PQBP1: variants seen among roughly 807,000 people sequenced by gnomAD.
PQBP1 encodes the protein polyglutamine binding protein 1, also known as polyglutamine-binding protein 1.
A neutral mutation model predicts 20.9 loss-of-function variants in PQBP1; 3 were observed. The ratio of observed to expected loss-of-function variants is 0.14; its 90% confidence interval spans 0.07 to 0.37. The LOEUF is 0.37. PQBP1 is among the 10% of genes least tolerant of loss of function. PQBP1 has a pLI of 1.00. For synonymous variants in PQBP1, 83 were observed against 93.8 expected, an observed-to-expected ratio of 0.88 and a Z score of 0.67; for missense variants, 162 against 240.3, an observed-to-expected ratio of 0.67 and a Z score of 2.16.
intron 1 of PQBP1, 147 bp downstream of exon 1, chrX:48,898,229 A>T: frequency 1.1e-6 from 1 of 934,580 alleles, no homozygotes; most frequent in Non-Finnish European, 1.5e-6. Flanking sequence ...CGGGCTTCTT[A>T]GGCTGTGGGC....
intron 2 of PQBP1, among the ~76,000 whole-genome samples, chrX:48,899,794 C>CT (rs2063375609): frequency 9.0e-6 from 1 of 111,729 alleles, no homozygotes; most frequent in Non-Finnish European, 1.9e-5. Flanking sequence ...CTACTGTGCT[C>CT]TGGCTGCAAA....
intron 5 of PQBP1, 59 bp from the exon 6 acceptor site, chrX:48,902,673 C>T: frequency 1.7e-6 from 2 of 1,162,407 alleles, no homozygotes; most frequent in Non-Finnish European, 1.2e-6. Flanking sequence ...TGGGGTGGGG[C>T]TCAGTGATCA....
Position 48,902,790 on chromosome X carries a change from C to A in PQBP1, c.636C>A (p.Ala212=). ...TGGACCCTAGCTCATACTCAGACGC[C>A]CCCCGGTAAGTGACAACCCCTCTTG... ...DPMDPSSYSD[A]PRGTWSTGLP... Residue 212 remains alanine, a synonymous_variant, in exon 6 of 7, where the codon GCC becomes GCA. Transcript: ENST00000447146. 8.3e-7 allele frequency: 1 copy of A among 1,201,535 alleles called. No homozygotes were observed. Among genetic ancestry groups the A allele is most frequent in the South Asian group, 1.8e-5 (1 of 55,261 alleles).
intron 2 of PQBP1, among the ~76,000 whole-genome samples, chrX:48,900,284 C>CTTTTTTTTT (rs1162086780): frequency 3.1e-5 from 1 of 32,472 alleles, no homozygotes; most frequent in Non-Finnish European, 5.3e-5. Flanking sequence ...CATTGATTTA[C>CTTTTTTTTT]TTTTTTTTTT....
Position 48,902,467 on chromosome X carries a change from G to A in PQBP1, c.527G>A (p.Arg176Gln), listed in dbSNP as rs781939978. 3 of 1,208,197 alleles carry A rather than the reference G, an allele frequency of 2.5e-6. No individual in the cohort carries two copies. Among genetic ancestry groups the A allele is most frequent in the Non-Finnish European group, 3.4e-6 (3 of 894,161 alleles). The change falls in exon 5 of 7, where the codon CGG becomes CAG. Residue 176 changes from arginine to glutamine, a missense_variant. Coordinates refer to ENST00000447146, the MANE Select transcript of PQBP1 (RefSeq NM_001032382.2). Reference sequence around the variant, plus strand: ...GCAGACCGGGAAGAGGGCAAAGAACGGCGCCACCATCGCCGGGAGGAGCTG... The same window carrying A: ...GCAGACCGGGAAGAGGGCAAAGAACAGCGCCACCATCGCCGGGAGGAGCTG... ...DKADREEGKE[R>Q]RHHRREELAP...
intron 5 of PQBP1, 43 bp downstream of exon 5, chrX:48,902,560 A>C (rs782651634): frequency 8.4e-6 from 10 of 1,186,554 alleles, no homozygotes; most frequent in African/African-American, 1.8e-5. Flanking sequence ...AACAAGGTGC[A>C]GGGTGCACTG....
At chrX:48,902,893 C>A in intron 6 of PQBP1, 35 bp from the exon 7 acceptor site, 1 of 1,190,607 alleles carries the variant, frequency 8.4e-7, no homozygotes, top group East Asian at 3.1e-5. Context: ...TCCGCCACAT[C>A]ACCCATCCCC....
intron 3 of PQBP1, chrX:48,901,687 C>T: frequency 2.0e-6 from 1 of 499,795 alleles, no homozygotes; most frequent in Non-Finnish European, 3.3e-6. Flanking sequence ...TCATATTGGT[C>T]AGGCTGGTCC....
At position 48,902,010 on chromosome X, in the gene PQBP1, A is replaced by G. The variant is rs1557041261; in HGVS notation, c.260A>G (p.Lys87Arg). 1.7e-6 allele frequency: 2 copies of G among 1,211,809 alleles called. No homozygotes were observed. The highest frequency in any genetic ancestry group is 1.8e-5 in the South Asian group (1 of 57,001). Residue 87 changes from lysine (K) to arginine (R), a missense_variant, in exon 4 of 7, where the codon AAA becomes AGA. By Grantham distance (26) the Lys-to-Arg change is conservative (BLOSUM62 2). Transcript: ENST00000447146. The stretch of plus-strand genomic sequence containing the variant: ...CATGACCCCAACTCCGTGGTTACCA[A>G]ATCGGCCAAGAAGCTCAGAAGCAGT... ...SPHDPNSVVT[K>R]SAKKLRSSNA...
At position 48,902,000 on chromosome X, in the gene PQBP1, G is replaced by T; in HGVS notation, c.250G>T (p.Val84Leu). The T allele has an allele frequency of 8.3e-7, 1 of 1,211,936 alleles. No individual in the cohort carries two copies. The highest frequency in any genetic ancestry group is 1.7e-5 in the African/African-American group (1 of 57,792). ...SWLSPHDPNS[V>L]VTKSAKKLRS... Reference sequence around the variant, plus strand: ...GCTCTCCCCACATGACCCCAACTCCGTGGTTACCAAATCGGCCAAGAAGCT... The same window carrying T: ...GCTCTCCCCACATGACCCCAACTCCTTGGTTACCAAATCGGCCAAGAAGCT... The change falls in exon 4 of 7, where the codon GTG becomes TTG. Residue 84 changes from valine (V) to leucine (L), a missense_variant. Coordinates refer to ENST00000447146, the MANE Select transcript of PQBP1 (RefSeq NM_001032382.2).
At position 48,898,782 on chromosome X, in the gene PQBP1, ATTCTTTTTTTTTTTT is replaced by A. The variant is rs2063349914; in HGVS notation, c.67+209_67+223del. 1.0e-4 allele frequency among the ~76,000 whole-genome samples: 3 copies of A among 29,169 alleles called. No individual in the cohort carries two copies. The East Asian group carries it at 2.5e-3, about 24-fold the overall frequency. 25.3% of individuals were successfully genotyped at this position (29,169 alleles called of 115,157 possible). A position where few individuals can be genotyped will look rare whatever the true frequency, so the allele number is the denominator to read the frequency against. On this transcript the variant is annotated intron_variant, in intron 2 of 6. Transcript: ENST00000447146. ...AGGGGGTTGGGGGAATAGATATTTCATTCTTTTTTTTTTTTTTTTTTTTTTTTTTTTTTTTTTTTT... is the reference window on the plus strand; with the variant it reads ...AGGGGGTTGGGGGAATAGATATTTCATTTTTTTTTTTTTTTTTTTTTTTTT...
In PQBP1 at chrX:48,901,097, G is replaced by T. The variant is rs782563420; in HGVS notation, c.68-93G>T. On this transcript the variant is annotated intron_variant, in intron 2 of 6. Coordinates refer to ENST00000447146, the MANE Select transcript of PQBP1 (RefSeq NM_001032382.2). ...CACACGTGTCTTTTATGTGTGGCTT[G>T]TGTGAATGTGAGTGCGTGTCTCTAG... 2,193 of 1,155,217 alleles carry T rather than the reference G, an allele frequency of 1.9e-3. 4 individuals are homozygous for T. Among genetic ancestry groups the T allele is most frequent in the Middle Eastern group, 8.2e-3 (35 of 4,264 alleles).
chrX:48,901,254 G>A lies in PQBP1; in HGVS notation c.132G>A (p.Arg44=), dbSNP rs781902505. The change falls in exon 3 of 7, where the codon AGG becomes AGA. Residue 44 remains arginine (R), a synonymous_variant. Coordinates refer to ENST00000447146, the MANE Select transcript of PQBP1 (RefSeq NM_001032382.2). ...DDDPVDYEAT[R]LEGLPPSWYK... ...ATCCTGTGGACTACGAGGCCACCAG[G>A]TTGGAGGGCCTACCACCAAGCTGGT... 3.3e-6 allele frequency: 4 copies of A among 1,209,690 alleles called. No homozygotes were observed. The highest frequency in any genetic ancestry group is 3.4e-6 in the Non-Finnish European group (3 of 894,607).
At position 48,898,486 on chromosome X, in the gene PQBP1, C is replaced by G; in HGVS notation, c.-18-6C>G. 1 of 1,207,048 alleles carries G rather than the reference C, an allele frequency of 8.3e-7. No homozygotes were observed. Among genetic ancestry groups the G allele is most frequent in the Non-Finnish European group, 1.1e-6 (1 of 891,376 alleles). On this transcript the variant is annotated splice_region_variant and splice_polypyrimidine_tract_variant and intron_variant, in intron 1 of 6. Transcript: ENST00000447146. ...GCTGCTTGTCAGTTTGTTCGTCTGT[C>G]CCTAGGTCTGTCTGCTATCAGCTAT...
chrX:48,899,177 A>G (rs2063362818), intron 2 of PQBP1, among the ~76,000 whole-genome samples: 1 of 110,455 alleles, frequency 9.1e-6, no homozygotes, highest in African/African-American at 3.3e-5. Flanking sequence ...GGGTTTCACC[A>G]TGTTGGCTAG....
At chrX:48,902,819 C>T in intron 6 of PQBP1, 24 bp downstream of exon 6, 1 of 1,195,760 alleles carries the variant, frequency 8.4e-7, no homozygotes, top group Non-Finnish European at 1.1e-6. Flanking sequence ...CCTCTTGACT[C>T]AGTACGTGGA....
chrX:48,900,596 G>A (rs1557040825), intron 2 of PQBP1, among the ~76,000 whole-genome samples: 1 of 108,692 alleles, frequency 9.2e-6, no homozygotes, highest in Non-Finnish European at 1.9e-5. Flanking sequence ...TCACTCTGTT[G>A]CCCAGGCTGG....
At position 48,898,881 on chromosome X, in the gene PQBP1, C is replaced by A. The variant is rs375138224; in HGVS notation, c.67+305C>A. On this transcript the variant is annotated intron_variant, in intron 2 of 6. Transcript: ENST00000447146. ...AGTGCAGTGGCGCGATCTCGGCTCA[C>A]TAAAACCTCCGCCTTCCAGGTTCAA... Among the ~76,000 whole-genome samples the A allele has an allele frequency of 3.3e-5, 3 of 91,377 alleles. No homozygotes were observed. In the East Asian group the frequency reaches 1.0e-3, roughly 32 times the overall value. 79.3% of individuals were successfully genotyped at this position (91,377 alleles called of 115,157 possible). A position where few individuals can be genotyped will look rare whatever the true frequency, so the allele number is the denominator to read the frequency against.
Position 48,902,291 on chromosome X carries a change from G to A in PQBP1, c.351G>A (p.Ser117=), listed in dbSNP as rs782377565. Residue 117 remains serine (S), a synonymous_variant, in exon 5 of 7, where the codon TCG becomes TCA. Coordinates refer to ENST00000447146, the MANE Select transcript of PQBP1 (RefSeq NM_001032382.2). The stretch of plus-strand genomic sequence containing the variant: ...AGTCGGACAGGGGCCATGACAAGTC[G>A]GACCGCAGCCATGAGAAACTAGACA... ...HDKSDRGHDK[S]DRSHEKLDRG... 1 of 1,210,993 alleles carries A rather than the reference G, an allele frequency of 8.3e-7. No homozygotes were observed. Among genetic ancestry groups the A allele is most frequent in the South Asian group, 1.8e-5 (1 of 56,837 alleles).
Sources: gnomAD v4.1 joint callset for allele counts (sites outside exome capture counted in the v4.1 genomes callset) on GRCh38, gnomAD v4.1.1 for gene constraint, MANE v1.5 for transcripts, NCBI Gene and HGNC (gene_info 2026-07-23, HGNC 2026-07-21) for gene names.